NUBPL: variants seen among roughly 807,000 people sequenced by gnomAD.
The protein encoded by NUBPL is iron-sulfur cluster transfer protein NUBPL.
In NUBPL, 31 loss-of-function variants were observed where a neutral mutation model predicts 45.7. The observed-to-expected ratio is 0.68, with a 90% confidence interval of 0.51 to 0.92. The LOEUF is 0.92. NUBPL is among the 40% of genes least tolerant of loss of function. The probability of loss-of-function intolerance (pLI) is 0.00; values close to 1 mark genes in which losing one functional copy is unlikely to be tolerated. For synonymous variants in NUBPL, 144 were observed against 140.9 expected (o/e 1.02, Z -0.15); for missense variants, 401 against 398.7 (o/e 1.01, Z -0.05).
intron 4 of NUBPL, among the ~76,000 whole-genome samples, chr14:31,634,653 G>A (rs1307185380): frequency 4.6e-5 from 7 of 150,540 alleles, no homozygotes; most frequent in Non-Finnish European, 6.0e-5. Context: ...AGATCCCTGA[G>A]GAATCGCCAC....
At chr14:31,673,310 G>A (rs763447907) in intron 4 of NUBPL, 45 bp from the exon 5 acceptor site, 4 of 1,496,870 alleles carry the variant, frequency 2.7e-6, no homozygotes, top group Admixed American at 4.0e-5. Context: ...ATGTTTATGT[G>A]TTGTGTTTTA....
intron 9 of NUBPL, 55 bp from the exon 10 acceptor site, chr14:31,850,064 A>C (rs1331495386): frequency 1.4e-5 from 19 of 1,319,038 alleles, no homozygotes; most frequent in Non-Finnish European, 2.1e-5. Context: ...AGTGAGATTC[A>C]AAATGCCTAT....
At chr14:31,785,815 A>G (rs944351034) in intron 6 of NUBPL, among the ~76,000 whole-genome samples, 1 of 152,200 alleles carries the variant, frequency 6.6e-6, no homozygotes, top group Non-Finnish European at 1.5e-5. Flanking sequence ...ATGTGTTGAC[A>G]TATGAATGAA....
chr14:31,692,144 A>G (rs1483143710), intron 6 of NUBPL, among the ~76,000 whole-genome samples: 1 of 152,138 alleles, frequency 6.6e-6, no homozygotes, highest in Non-Finnish European at 1.5e-5. Flanking sequence ...TATTCTCTTG[A>G]TATTTGAAAC....
At chr14:31,848,130 A>C (rs989706055) in intron 9 of NUBPL, among the ~76,000 whole-genome samples, 1 of 152,240 alleles carries the variant, frequency 6.6e-6, no homozygotes, top group Non-Finnish European at 1.5e-5. Flanking sequence ...CAATTACCCT[A>C]AAAATGTATC....
At chr14:31,638,106 T>A (rs966418929) in intron 4 of NUBPL, among the ~76,000 whole-genome samples, 1 of 152,148 alleles carries the variant, frequency 6.6e-6, no homozygotes. Context: ...TTAATATTGT[T>A]ATGTGTGAAT....
At chr14:31,684,806 A>G (rs2036915957) in intron 6 of NUBPL, among the ~76,000 whole-genome samples, 1 of 152,140 alleles carries the variant, frequency 6.6e-6, no homozygotes, top group African/African-American at 2.4e-5. Flanking sequence ...TATAATGGGT[A>G]TCAACATTGT....
intron 6 of NUBPL, among the ~76,000 whole-genome samples, chr14:31,760,144 T>TGTGTGTGAGAGAGAGAGAGAGAGA: frequency 1.1e-4 from 4 of 34,844 alleles, no homozygotes; most frequent in South Asian, 1.9e-3. Context: ...TGTGTGTGTG[T>TGTGTGTGAGAGAGAGAGAGAGAGA]GAGAGAGAGA....
At chr14:31,847,146 T>C (rs1187677990) in intron 9 of NUBPL, among the ~76,000 whole-genome samples, 2 of 152,136 alleles carry the variant, frequency 1.3e-5, no homozygotes, top group African/African-American at 4.8e-5. Context: ...GAGAATAGAG[T>C]TTTGTAGTCC....
At chr14:31,666,881 C>G (rs890713966) in intron 4 of NUBPL, among the ~76,000 whole-genome samples, 1 of 152,126 alleles carries the variant, frequency 6.6e-6, no homozygotes, top group African/African-American at 2.4e-5. Flanking sequence ...ATGTTGGCCC[C>G]TACTCTCTTC....
In NUBPL at chr14:31,846,515, A is replaced by G. The variant is rs2040455421; in HGVS notation, c.738A>G (p.Lys246=). Residue 246 remains lysine, a synonymous_variant, in exon 9 of 11, where the codon AAA becomes AAG. Transcript: ENST00000281081. ...VQNMSVFQCP[K]CKHKTHIFGA... ...ACATGAGTGTTTTCCAGTGTCCAAA[A>G]TGTAAACACAAAACTCATATTTTTG... 7 of 1,613,328 alleles carry G rather than the reference A, an allele frequency of 4.3e-6. No homozygotes were observed. The highest frequency in any genetic ancestry group is 4.2e-6 in the Non-Finnish European group (5 of 1,179,660).
chr14:31,853,291 G>T (rs1040838886), intron 10 of NUBPL, among the ~76,000 whole-genome samples: 2 of 152,084 alleles, frequency 1.3e-5, no homozygotes. Flanking sequence ...CCTGAGCTCA[G>T]GAGATTCACC....
At chr14:31,774,851 A>G (rs2039071045) in intron 6 of NUBPL, among the ~76,000 whole-genome samples, 1 of 152,078 alleles carries the variant, frequency 6.6e-6, no homozygotes, top group Admixed American at 6.6e-5. Flanking sequence ...TGGGCCTGGG[A>G]CTCAAAGTTT....
intron 6 of NUBPL, among the ~76,000 whole-genome samples, chr14:31,746,959 A>G (rs1045708101): frequency 1.3e-5 from 2 of 151,008 alleles, no homozygotes; most frequent in African/African-American, 4.9e-5. Context: ...AGTTCCAGCT[A>G]CTTGAGGGGC....
intron 4 of NUBPL, among the ~76,000 whole-genome samples, chr14:31,625,437 A>G (rs145648417): frequency 1.3e-5 from 2 of 151,920 alleles, no homozygotes; most frequent in African/African-American, 2.4e-5. Flanking sequence ...TGCTCTAGGG[A>G]TAAGAAGTGG....
rs188702640 is a variant in NUBPL at position 31,724,876 on chromosome 14, G to C, written c.513+51302G>C. Among the ~76,000 whole-genome samples the C allele has an allele frequency of 7.6e-4, 116 of 152,260 alleles. No homozygotes were observed. In the Middle Eastern group the frequency reaches 0.014, roughly 18 times the overall value. ...AGACAATTGAGAATGATCAGGGAAGGCTTATCTGAGAAGGTGACATTTAAG... is the reference window on the plus strand; with the variant it reads ...AGACAATTGAGAATGATCAGGGAAGCCTTATCTGAGAAGGTGACATTTAAG... On this transcript the variant is annotated intron_variant, in intron 6 of 10. Transcript: ENST00000281081.
chr14:31,587,208 T>G (rs2034017989), intron 3 of NUBPL, among the ~76,000 whole-genome samples: 2 of 152,190 alleles, frequency 1.3e-5, no homozygotes, highest in African/African-American at 4.8e-5. Context: ...GATACACGTC[T>G]AGGGTTGGGT....
At chr14:31,607,116 CACG>C (rs2034621824) in intron 4 of NUBPL, among the ~76,000 whole-genome samples, 2 of 152,160 alleles carry the variant, frequency 1.3e-5, no homozygotes, top group South Asian at 4.1e-4. Flanking sequence ...CACAGTGGCT[CACG>C]ACTGTAATCC....
At chr14:31,853,080 G>GTGTTTTGTTTTGTTTTGTTT (rs77960720) in intron 10 of NUBPL, among the ~76,000 whole-genome samples, 3 of 118,300 alleles carry the variant, frequency 2.5e-5, no homozygotes, top group Non-Finnish European at 4.9e-5. Context: ...GTGTTGTGTT[G>GTGTTTTGTTTTGTTTTGTTT]TGTTTTGTTT....
Sources: gnomAD v4.1 joint callset for allele counts (sites outside exome capture counted in the v4.1 genomes callset) on GRCh38, gnomAD v4.1.1 for gene constraint, MANE v1.5 for transcripts, NCBI Gene and HGNC (gene_info 2026-07-23, HGNC 2026-07-21) for gene names.